Variants in DPP10 observed in about 807,000 individuals in gnomAD.
DPP10 encodes dipeptidyl peptidase like 10.
Under a neutral mutation model 120.9 loss-of-function variants are expected in DPP10, and 33 were observed. That is an observed-to-expected ratio of 0.27 (90% confidence interval 0.21 to 0.37). The LOEUF (loss-of-function observed/expected upper bound fraction) is 0.37, where lower values mean the gene tolerates loss of function less well. Ranked by LOEUF, DPP10 falls within the 10% of genes least tolerant of loss-of-function variation. The pLI is 1.00. For missense variants in DPP10, 816 were observed against 942.8 expected (o/e 0.87, Z 1.76); for synonymous variants, 337 against 326.1 (o/e 1.03, Z -0.36).
chr2:114,572,543 G>A (rs907010676), intron 1 of DPP10, among the ~76,000 whole-genome samples: 1 of 152,152 alleles, frequency 6.6e-6, no homozygotes, highest in East Asian at 1.9e-4. Flanking sequence ...GATCAGAAGA[G>A]GCAGATCTCT....
intron 5 of DPP10, chr2:115,579,474 A>C (rs1046960519): frequency 5.9e-5 from 9 of 152,232 alleles, no homozygotes; most frequent in Non-Finnish European, 1.5e-5. Context: ...TCTGTGGCCT[A>C]ATGGTGGAAC....
intron 1 of DPP10, among the ~76,000 whole-genome samples, chr2:115,082,738 T>A (rs541191580): frequency 6.6e-6 from 1 of 152,298 alleles, no homozygotes; most frequent in Non-Finnish European, 1.5e-5. Context: ...TAACTACAGA[T>A]GCATGAGCAA....
intron 1 of DPP10, among the ~76,000 whole-genome samples, chr2:114,637,145 G>A (rs918417936): frequency 6.6e-6 from 1 of 151,900 alleles, no homozygotes; most frequent in Non-Finnish European, 1.5e-5. Context: ...TGTATTTTAA[G>A]ATCCCTAAAT....
At chr2:115,702,121 C>A (rs1463998566) in intron 7 of DPP10, among the ~76,000 whole-genome samples, 1 of 151,950 alleles carries the variant, frequency 6.6e-6, no homozygotes, top group Non-Finnish European at 1.5e-5. Context: ...CTACTAGTGA[C>A]ACAATGACCT....
At chr2:115,376,038 G>A (rs1336778444) in intron 3 of DPP10, among the ~76,000 whole-genome samples, 1 of 152,050 alleles carries the variant, frequency 6.6e-6, no homozygotes, top group African/African-American at 2.4e-5. Flanking sequence ...AGGCATTAGT[G>A]GGTGAATGTT....
At chr2:115,837,596 A>G (rs1243393924) in intron 24 of DPP10, among the ~76,000 whole-genome samples, 2 of 152,232 alleles carry the variant, frequency 1.3e-5, no homozygotes, top group Non-Finnish European at 2.9e-5. Context: ...ATGGAAAAAG[A>G]GAGAAAGAGG....
intron 1 of DPP10, among the ~76,000 whole-genome samples, chr2:114,923,105 G>A (rs895494434): frequency 6.6e-6 from 1 of 151,894 alleles, no homozygotes; most frequent in East Asian, 1.9e-4. Flanking sequence ...AATTATAAGA[G>A]TTCTTTGTAC....
At chr2:114,833,171 C>T (rs1053049251) in intron 1 of DPP10, among the ~76,000 whole-genome samples, 1 of 151,862 alleles carries the variant, frequency 6.6e-6, no homozygotes, top group African/African-American at 2.4e-5. Context: ...AATAATATCA[C>T]ATTGGCTGCA....
chr2:115,614,750 G>A (rs1418999587), intron 5 of DPP10, among the ~76,000 whole-genome samples: 2 of 152,158 alleles, frequency 1.3e-5, no homozygotes, highest in African/African-American at 4.8e-5. Context: ...CCTGCTAAAA[G>A]GCAATTGGCA....
At chr2:115,786,886 C>T (rs1392436527) in intron 17 of DPP10, among the ~76,000 whole-genome samples, 4 of 152,162 alleles carry the variant, frequency 2.6e-5, no homozygotes, top group Non-Finnish European at 4.4e-5. Context: ...CACCCTGAAT[C>T]AGCTGCTGAA....
intron 10 of DPP10, among the ~76,000 whole-genome samples, chr2:115,748,802 AG>A (rs1358928302): frequency 2.0e-5 from 3 of 152,206 alleles, no homozygotes; most frequent in African/African-American, 7.2e-5. Context: ...AGAAATTAAA[AG>A]GATAAGATAA....
At chr2:114,521,199 A>G (rs918981704) in intron 1 of DPP10, among the ~76,000 whole-genome samples, 2 of 152,030 alleles carry the variant, frequency 1.3e-5, no homozygotes, top group Admixed American at 1.3e-4. Context: ...TTAATAAAAG[A>G]TAACAACTTA....
intron 8 of DPP10, among the ~76,000 whole-genome samples, chr2:115,733,020 T>A (rs1007595256): frequency 8.5e-5 from 13 of 152,140 alleles, no homozygotes; most frequent in African/African-American, 3.1e-4. Context: ...CTAAATAGAA[T>A]TATAAGTAGA....
intron 5 of DPP10, among the ~76,000 whole-genome samples, chr2:115,672,680 C>CTCTTCCTTTCTTTCTTTCTTTCTT (rs2089983404): frequency 8.8e-6 from 1 of 113,264 alleles, no homozygotes; most frequent in Non-Finnish European, 1.8e-5. Flanking sequence ...CTCTTTCTTT[C>CTCTTCCTTTCTTTCTTTCTTTCTT]TCTTTCTTTC....
intron 1 of DPP10, among the ~76,000 whole-genome samples, chr2:115,270,461 A>G (rs902877240): frequency 6.6e-6 from 1 of 152,134 alleles, no homozygotes; most frequent in South Asian, 2.1e-4. Context: ...AGGCTTTCCC[A>G]TAGAGGTTAT....
At chr2:114,771,584 T>G (rs1389421412) in intron 1 of DPP10, among the ~76,000 whole-genome samples, 1 of 152,094 alleles carries the variant, frequency 6.6e-6, no homozygotes, top group Non-Finnish European at 1.5e-5. Context: ...AAGATAAAGA[T>G]CTCTTTCTAT....
chr2:114,666,350 C>T (rs1697920088), intron 1 of DPP10, among the ~76,000 whole-genome samples: 1 of 152,120 alleles, frequency 6.6e-6, no homozygotes, highest in African/African-American at 2.4e-5. Context: ...ATTTCTAACA[C>T]TGATATAATA....
At chr2:115,271,288 T>A (rs1286145700) in intron 1 of DPP10, among the ~76,000 whole-genome samples, 1 of 152,220 alleles carries the variant, frequency 6.6e-6, no homozygotes, top group African/African-American at 2.4e-5. Flanking sequence ...CTGGCCATTC[T>A]ACTTGTTGGT....
intron 1 of DPP10, among the ~76,000 whole-genome samples, chr2:115,153,601 T>C (rs2051706460): frequency 6.6e-6 from 1 of 152,204 alleles, no homozygotes; most frequent in South Asian, 2.1e-4. Flanking sequence ...TTCTGATATC[T>C]AACTCTCTAT....
Sources: gnomAD v4.1 joint callset for allele counts (sites outside exome capture counted in the v4.1 genomes callset) on GRCh38, gnomAD v4.1.1 for gene constraint, MANE v1.5 for transcripts, NCBI Gene and HGNC (gene_info 2026-07-23, HGNC 2026-07-21) for gene names.